The following KATNIP variants were observed in gnomAD, a reference collection of about 807,000 sequenced individuals.
The protein encoded by KATNIP is katanin-interacting protein.
Under a neutral mutation model 174.0 loss-of-function variants are expected in KATNIP, and 126 were observed. The observed-to-expected ratio is 0.72, with a 90% CI of 0.63 to 0.84. The LOEUF (loss-of-function observed/expected upper bound fraction) is 0.84, where lower values mean the gene tolerates loss of function less well. KATNIP is among the 40% of genes least tolerant of loss of function. The pLI, the probability that KATNIP is intolerant of heterozygous loss-of-function variation, is 0.00. For missense variants in KATNIP, 1,958 were observed against 2,109.7 expected (o/e 0.93, Z 1.41); for synonymous variants, 810 against 835.7 (o/e 0.97, Z 0.53).
intron 13 of KATNIP, among the ~76,000 whole-genome samples, chr16:27,717,616 G>A (rs1323928579): frequency 6.6e-6 from 1 of 152,138 alleles, no homozygotes; most frequent in Non-Finnish European, 1.5e-5. Flanking sequence ...AGTCTCCTAG[G>A]AGGGACCCTG....
chr16:27,739,085 CAG>C (rs1287171507), intron 14 of KATNIP, among the ~76,000 whole-genome samples: 1 of 151,872 alleles, frequency 6.6e-6, no homozygotes, highest in Non-Finnish European at 1.5e-5. Flanking sequence ...AGAGTGGAAG[CAG>C]AGAGACCAAT....
In KATNIP at chr16:27,681,100, G is replaced by A. The variant is rs977732889; in HGVS notation, c.809-299G>A. 31 of 316,128 alleles carry A rather than the reference G, an allele frequency of 9.8e-5. No homozygotes were observed. In the East Asian group the frequency reaches 1.0e-3, roughly 10 times the overall value. The allele number at this position is 316,128 out of a possible 1,614,324, so 19.6% of individuals were successfully genotyped here. On this transcript the variant is annotated intron_variant, in intron 7 of 27. Transcript: ENST00000261588. ...CCCCACCACAGCCTCCCAAAGCACC[G>A]GGATTACAGGTGTGAGCCACCGCCT...
chr16:27,588,904 C>T (rs1250746757), intron 2 of KATNIP, among the ~76,000 whole-genome samples: 7 of 120,352 alleles, frequency 5.8e-5, no homozygotes, highest in Non-Finnish European at 6.6e-5. Flanking sequence ...TTTTTTGAAC[C>T]GGAGTCTCAC....
At chr16:27,560,450 C>T (rs1043793160) in intron 1 of KATNIP, among the ~76,000 whole-genome samples, 4 of 152,136 alleles carry the variant, frequency 2.6e-5, no homozygotes, top group Admixed American at 2.6e-4. Context: ...GCTGATGACC[C>T]CTTCTGGCTG....
At chr16:27,626,401 A>G (rs1183374807) in intron 3 of KATNIP, among the ~76,000 whole-genome samples, 1 of 152,228 alleles carries the variant, frequency 6.6e-6, no homozygotes, top group Non-Finnish European at 1.5e-5. Context: ...TACTGGGCAA[A>G]GACCAAACAT....
At chr16:27,731,284 G>A (rs1464157026) in intron 14 of KATNIP, among the ~76,000 whole-genome samples, 1 of 152,228 alleles carries the variant, frequency 6.6e-6, no homozygotes, top group African/African-American at 2.4e-5. Context: ...GAAACAGGGG[G>A]ATTGCCGCAC....
At chr16:27,758,794 G>T (rs1236136604) in intron 18 of KATNIP, among the ~76,000 whole-genome samples, 1 of 152,090 alleles carries the variant, frequency 6.6e-6, no homozygotes, top group Non-Finnish European at 1.5e-5. Context: ...CTCATATTCA[G>T]TCACTCCCTA....
chr16:27,756,815 C>T (rs1213423237), intron 18 of KATNIP, among the ~76,000 whole-genome samples: 2 of 152,186 alleles, frequency 1.3e-5, no homozygotes, highest in African/African-American at 4.8e-5. Flanking sequence ...CACACAGCTG[C>T]GTTCAGTTAC....
intron 2 of KATNIP, among the ~76,000 whole-genome samples, chr16:27,595,427 A>C (rs560872116): frequency 1.1e-4 from 17 of 152,326 alleles, no homozygotes; most frequent in African/African-American, 4.1e-4. Context: ...ATGTGGACAC[A>C]GGAGGATATA....
chr16:27,776,898 C>A lies in KATNIP; in HGVS notation c.4450-30C>A, dbSNP rs750477997. On this transcript the variant is annotated intron_variant, in intron 24 of 27. Transcript: ENST00000261588. The surrounding 1 kb of genome is among the most constrained non-coding windows in gnomAD (Gnocchi z 4.7). The stretch of plus-strand genomic sequence containing the variant: ...CCAAGCGCCTCTGTTTCCAAACATG[C>A]CTGTTTTAATTAGTGCCGCTCTCTG... 8.7e-6 allele frequency: 13 copies of A among 1,496,572 alleles called. No homozygotes were observed. The Admixed American group carries it at 2.0e-4, about 23-fold the overall frequency. The allele number at this position is 1,496,572 out of a possible 1,614,324, so 92.7% of individuals were successfully genotyped here.
intron 13 of KATNIP, among the ~76,000 whole-genome samples, chr16:27,712,890 C>T (rs888913407): frequency 6.6e-6 from 1 of 152,136 alleles, no homozygotes; most frequent in African/African-American, 2.4e-5. Flanking sequence ...ACTGCAGCCT[C>T]GACCTCCTGG....
intron 11 of KATNIP, among the ~76,000 whole-genome samples, chr16:27,702,107 A>G (rs2079124112): frequency 6.6e-6 from 1 of 152,150 alleles, no homozygotes; most frequent in Non-Finnish European, 1.5e-5. Context: ...ATTCCTTTAG[A>G]CTATACTCTG....
Position 27,584,131 on chromosome 16 carries a change from G to A in KATNIP, c.63+10175G>A, listed in dbSNP as rs183693902. ...TGCCTAGAACAGTGCCCTACAGGTT[G>A]TGAATCCCTGAATAGTGATTGGTGC... On this transcript the variant is annotated intron_variant, in intron 2 of 27. Coordinates refer to ENST00000261588, the MANE Select transcript of KATNIP (RefSeq NM_015202.5). Among the ~76,000 whole-genome samples, 37 of 152,238 alleles carry A rather than the reference G, an allele frequency of 2.4e-4. No individual in the cohort carries two copies. The South Asian group carries it at 4.4e-3, about 18-fold the overall frequency.
At chr16:27,714,203 C>G (rs967616812) in intron 13 of KATNIP, among the ~76,000 whole-genome samples, 5 of 151,992 alleles carry the variant, frequency 3.3e-5, no homozygotes, top group African/African-American at 1.2e-4. Flanking sequence ...CCCTCCCACC[C>G]CAGTCACTAT....
At chr16:27,775,813 G>T (rs751394322) in intron 24 of KATNIP, among the ~76,000 whole-genome samples, 1 of 152,178 alleles carries the variant, frequency 6.6e-6, no homozygotes, top group Non-Finnish European at 1.5e-5. Flanking sequence ...CTGAGTGGGG[G>T]ATCGGGGGCA....
At chr16:27,579,801 T>A (rs1567456541) in intron 2 of KATNIP, among the ~76,000 whole-genome samples, 1 of 152,140 alleles carries the variant, frequency 6.6e-6, no homozygotes, top group Non-Finnish European at 1.5e-5. Context: ...ATTGCAAAAG[T>A]CATTGAACTC....
intron 2 of KATNIP, among the ~76,000 whole-genome samples, chr16:27,588,672 T>C (rs758435471): frequency 6.6e-6 from 1 of 152,084 alleles, no homozygotes; most frequent in Admixed American, 6.6e-5. Context: ...ATCATCATAG[T>C]GTAAGACCTT....
chr16:27,581,809 C>G (rs556923210), intron 2 of KATNIP, among the ~76,000 whole-genome samples: 1 of 152,298 alleles, frequency 6.6e-6, no homozygotes, highest in South Asian at 2.1e-4. Flanking sequence ...ATCCTCATAG[C>G]TTAGCTCCCA....
intron 1 of KATNIP, among the ~76,000 whole-genome samples, chr16:27,557,905 T>C (rs1476884297): frequency 6.6e-6 from 1 of 152,222 alleles, no homozygotes; most frequent in Non-Finnish European, 1.5e-5. Flanking sequence ...ATCAATAAAG[T>C]CTGTTAACAC....
Sources: allele counts gnomAD v4.1 joint callset (sites outside exome capture counted in the v4.1 genomes callset), GRCh38; gene constraint gnomAD v4.1.1; non-coding constraint Gnocchi (gnomAD v3.1); transcripts MANE v1.5; gene names NCBI Gene and HGNC (gene_info 2026-07-23, HGNC 2026-07-21).